Variants in SEPTIN4 observed in about 807,000 individuals in gnomAD.
SEPTIN4 encodes septin-4.
SEPTIN4 carries 52 observed loss-of-function variants against 107.1 expected under a neutral mutation model. That is an observed-to-expected ratio of 0.49 (90% CI 0.39 to 0.61). The LOEUF is 0.61. Ranked by LOEUF, SEPTIN4 falls within the 20% of genes least tolerant of loss-of-function variation. SEPTIN4 has a pLI of 0.00. For synonymous variants in SEPTIN4, 417 were observed against 467.0 expected, an observed-to-expected ratio of 0.89 and a Z score of 1.38; for missense variants, 1,048 against 1,243.5, an observed-to-expected ratio of 0.84 and a Z score of 2.36.
At chr17:58,534,626 G>A (rs893997205) in intron 3 of SEPTIN4, among the ~76,000 whole-genome samples, 6 of 152,200 alleles carry the variant, frequency 3.9e-5, no homozygotes, top group Admixed American at 6.5e-5. Context: ...ATCCCACCAG[G>A]CATTGATGGC....
At chr17:58,526,374 C>A (rs1416426985) in intron 4 of SEPTIN4, 61 bp from the exon 5 acceptor site, 1 of 1,439,440 alleles carries the variant, frequency 6.9e-7, no homozygotes, top group Non-Finnish European at 9.1e-7. Context: ...CGGCACCCAG[C>A]GCCAATCTTC....
chr17:58,526,344 G>C, intron 4 of SEPTIN4, 31 bp from the exon 5 acceptor site: 1 of 1,498,886 alleles, frequency 6.7e-7, no homozygotes, highest in African/African-American at 1.4e-5. Flanking sequence ...ATGCATCACG[G>C]TGAGGAGCCA....
At chr17:58,533,884 G>A (rs2043618904) in intron 3 of SEPTIN4, among the ~76,000 whole-genome samples, 1 of 152,216 alleles carries the variant, frequency 6.6e-6, no homozygotes, top group Non-Finnish European at 1.5e-5. Context: ...CCTAGGGTAA[G>A]GAGAAAGCCT....
intron 1 of SEPTIN4, among the ~76,000 whole-genome samples, chr17:58,542,403 C>T (rs973463505): frequency 7.2e-5 from 11 of 152,160 alleles, no homozygotes; most frequent in African/African-American, 9.7e-5. Context: ...GGAGTCAATG[C>T]CTGTCGCCCG....
In SEPTIN4 at chr17:58,520,989, T is replaced by C; in HGVS notation, c.2831+9A>G. 1 of 1,613,922 alleles carries C rather than the reference T, an allele frequency of 6.2e-7. No individual in the cohort carries two copies. The highest frequency in any genetic ancestry group is 8.5e-7 in the Non-Finnish European group (1 of 1,179,990). On this transcript the variant is annotated intron_variant, in intron 12 of 13. Transcript: ENST00000672673. ...CCCCTGCCAGCTTTGTCCTGGCTTC[T>C]GGTCATACTTGCGATTCCGTTCCTT...
chr17:58,543,930 CGAG>C lies in SEPTIN4; in HGVS notation c.254_256del (p.Pro85del). ...TGTTCTTGGTCCAGTCTCGGGTCCC[CGAG>C]GAGTGGGTACTGCATAGTGTCCAGG... On this transcript the variant is annotated inframe_deletion, in exon 1 of 14. Coordinates refer to ENST00000672673, the MANE Select transcript of SEPTIN4 (RefSeq NM_001368771.2). The C allele has an allele frequency of 3.1e-6, 5 of 1,613,908 alleles. No individual in the cohort carries two copies. Among genetic ancestry groups the C allele is most frequent in the Non-Finnish European group, 4.2e-6 (5 of 1,179,930 alleles).
intron 3 of SEPTIN4, chr17:58,531,846 C>G: frequency 1.0e-6 from 1 of 997,364 alleles, no homozygotes; most frequent in African/African-American, 1.7e-5. Flanking sequence ...CGGCGCCTCC[C>G]ACCCTGCACA....
chr17:58,528,704 G>A (rs1015251536), intron 3 of SEPTIN4: 1 of 193,748 alleles, frequency 5.2e-6, no homozygotes. Flanking sequence ...AGGAAATCCT[G>A]CCTCTCTGCA....
Position 58,526,906 on chromosome 17 carries a change from C to A in SEPTIN4, c.1687G>T (p.Ala563Ser). ...TTAGCCTCTGGTGGGTGGCAGCTCG[C>A]ATTTCCTGAGAAATCCTTCACGAAC... is the stretch of plus-strand genomic sequence containing the variant. ...SKFVKDFSGN[A>S]SCHPPEAKTW... The change falls in exon 4 of 14, where the codon GCG becomes TCG. Residue 563 changes from alanine (A) to serine (S), a missense_variant. Transcript: ENST00000672673. 3 of 1,614,098 alleles carry A rather than the reference C, an allele frequency of 1.9e-6. No homozygotes were observed. The highest frequency in any genetic ancestry group is 2.5e-6 in the Non-Finnish European group (3 of 1,180,022).
chr17:58,522,210 G>GT, intron 7 of SEPTIN4, 109 bp from the exon 8 acceptor site: 1 of 1,391,760 alleles, frequency 7.2e-7, no homozygotes, highest in Non-Finnish European at 9.9e-7. Context: ...TTAAGACACT[G>GT]TTATTCCCTG....
chr17:58,520,802 C>A lies in SEPTIN4; in HGVS notation c.2872G>T (p.Ala958Ser). Reference sequence around the variant, plus strand: ...TCTGGATCTGTCCCTGGTGGGACAGCAGGGATGGGGAAGTCGGTACCACTT... The same window carrying A: ...TCTGGATCTGTCCCTGGTGGGACAGAAGGGATGGGGAAGTCGGTACCACTT... ...RESGTDFPIP[A>S]VPPGTDPETE... The change falls in exon 13 of 14, where the codon GCT (alanine) becomes TCT (serine). Residue 958 changes from alanine to serine, a missense_variant. Coordinates refer to ENST00000672673, the MANE Select transcript of SEPTIN4 (RefSeq NM_001368771.2). The A allele has an allele frequency of 6.2e-7, 1 of 1,614,136 alleles. No individual in the cohort carries two copies. Among genetic ancestry groups the A allele is most frequent in the Non-Finnish European group, 8.5e-7 (1 of 1,180,022 alleles).
chr17:58,523,917 A>C (rs1286277901), intron 7 of SEPTIN4, among the ~76,000 whole-genome samples: 2 of 152,294 alleles, frequency 1.3e-5, no homozygotes, highest in South Asian at 2.1e-4. Context: ...TTTTAATTAA[A>C]TAAGTGTCTG....
rs933504745 is a variant in SEPTIN4 at position 58,525,863 on chromosome 17, G to T, written c.2006-82C>A. The T allele has an allele frequency of 5.9e-6, 7 of 1,191,312 alleles. 1 individual carries two copies. Among genetic ancestry groups the T allele is most frequent in the South Asian group, 5.1e-5 (4 of 78,570 alleles). The allele number at this position is 1,191,312 out of a possible 1,614,324, so 73.8% of individuals were successfully genotyped here. On this transcript the variant is annotated intron_variant, in intron 5 of 13. Transcript: ENST00000672673. ...GCAACTCCACTGGATCAAGGTTTAG[G>T]GGGGACTGCTTTCTTATCTAATTGG...
intron 6 of SEPTIN4, 44 bp downstream of exon 6, chr17:58,525,651 A>G (rs768874268): frequency 3.2e-6 from 5 of 1,569,140 alleles, no homozygotes; most frequent in Non-Finnish European, 2.6e-6. Context: ...AGTGAGTTTA[A>G]TTTCCCAAGG....
intron 7 of SEPTIN4, chr17:58,524,809 A>G: frequency 3.1e-6 from 1 of 323,232 alleles, no homozygotes. Context: ...CTCAAGTGAT[A>G]CTTCCGCCTC....
intron 3 of SEPTIN4, chr17:58,539,190 G>C (rs933545306): frequency 5.3e-5 from 81 of 1,533,716 alleles, no homozygotes; most frequent in Non-Finnish European, 5.7e-5. Context: ...CAGCTCTGCT[G>C]CTGAACAGGG....
In SEPTIN4 at chr17:58,542,976, G is replaced by A; in HGVS notation, c.1211C>T (p.Ala404Val). The change falls in exon 1 of 14, where the codon GCA becomes GTA. Residue 404 changes from alanine to valine, a missense_variant. Physicochemically the swap from Ala to Val is moderately conservative, Grantham distance 64 (BLOSUM62 0). Transcript: ENST00000672673. ...GGGCCTAGGGGTCAGTTCCAGTTCT[G>A]CATGGATGGAGGGCTTTTGCGAGAG... Reference protein sequence around the residue: ...PELSQKPSIHAELELTPRPLP... With the variant: ...PELSQKPSIHVELELTPRPLP... 6.2e-7 allele frequency: 1 copy of A among 1,613,512 alleles called. No homozygotes were observed. The highest frequency in any genetic ancestry group is 2.2e-5 in the East Asian group (1 of 44,888).
At chr17:58,530,741 C>T (rs1032146424) in intron 3 of SEPTIN4, 1 of 152,520 alleles carries the variant, frequency 6.6e-6, no homozygotes, top group Non-Finnish European at 1.5e-5. Flanking sequence ...GTCCATCCAT[C>T]CACCATGTGG....
At chr17:58,526,165 A>G in intron 5 of SEPTIN4, 55 bp downstream of exon 5, 1 of 1,517,482 alleles carries the variant, frequency 6.6e-7, no homozygotes, top group East Asian at 2.3e-5. Flanking sequence ...ACGGACACAC[A>G]CACCATCCCC....
Sources: allele counts gnomAD v4.1 joint callset (sites outside exome capture counted in the v4.1 genomes callset), GRCh38; gene constraint gnomAD v4.1.1; transcripts MANE v1.5; gene names NCBI Gene and HGNC (gene_info 2026-07-23, HGNC 2026-07-21).